Variants in ADCY7 observed in about 807,000 individuals in gnomAD.
The protein encoded by ADCY7 is adenylate cyclase 7.
ADCY7 carries 72 observed loss-of-function variants against 120.6 expected under a neutral mutation model. The observed-to-expected ratio is 0.60, with a 90% CI of 0.49 to 0.73. The LOEUF is 0.73. Among genes scored for constraint, ADCY7 ranks in the 30% least tolerant of loss-of-function variants. The pLI is 0.00. For missense variants in ADCY7, 1,227 were observed against 1,486.0 expected, an observed-to-expected ratio of 0.83 and a Z score of 2.87; for synonymous variants, 661 against 628.0, an observed-to-expected ratio of 1.05 and a Z score of -0.78.
chr16:50,308,234 G>A, intron 15 of ADCY7, 93 bp from the exon 16 acceptor site: 1 of 986,514 alleles, frequency 1.0e-6, no homozygotes, highest in Non-Finnish European at 1.5e-6. Flanking sequence ...CAGGTAGGGT[G>A]GGGACAGGTG....
intron 1 of ADCY7, among the ~76,000 whole-genome samples, chr16:50,268,864 C>A (rs572994560): frequency 6.6e-6 from 1 of 152,240 alleles, no homozygotes; most frequent in Non-Finnish European, 1.5e-5. Flanking sequence ...TGGCGAAACC[C>A]CGTCTCTACA....
Position 50,315,535 on chromosome 16 carries a change from G to C in ADCY7, c.*30G>C. On this transcript the variant is annotated 3_prime_UTR_variant, in exon 26 of 26. Transcript: ENST00000673801. ...TCCTGCTGGATTCCGAAAAGGCCGG[G>C]AAGCCAGTCTCCTTCCCTGAAGCAA... The C allele has an allele frequency of 6.3e-7, 1 of 1,594,924 alleles. No individual in the cohort carries two copies. The highest frequency in any genetic ancestry group is 2.3e-5 in the East Asian group (1 of 44,276).
chr16:50,292,813 G>C lies in ADCY7; in HGVS notation c.675G>C (p.Glu225Asp). 1 of 1,613,482 alleles carries C rather than the reference G, an allele frequency of 6.2e-7. No individual in the cohort carries two copies. The highest frequency in any genetic ancestry group is 1.3e-5 in the African/African-American group (1 of 75,042). Residue 225 changes from glutamate (E) to aspartate (D), a missense_variant, in exon 5 of 26, where the codon GAG (glutamate) becomes GAC (aspartate). Physicochemically the swap from Glu to Asp is conservative, Grantham distance 45 (BLOSUM62 2). Transcript: ENST00000673801. ...CIQIRRKLRI[E>D]KRQQENLLLS... is the part of the protein sequence containing the mutation. ...AGATCCGCCGGAAGCTGCGCATCGA[G>C]AAGCGCCAGCAGGTGGGACCCGGCC...
At chr16:50,305,992 G>C in intron 14 of ADCY7, 143 bp downstream of exon 14, 1 of 778,410 alleles carries the variant, frequency 1.3e-6, no homozygotes, top group Non-Finnish European at 2.1e-6. Flanking sequence ...GCTCCTGGGC[G>C]GGGGGCAGGG....
chr16:50,291,690 T>C, intron 3 of ADCY7, 46 bp from the exon 4 acceptor site: 1 of 1,611,910 alleles, frequency 6.2e-7, no homozygotes, highest in Non-Finnish European at 8.5e-7. Flanking sequence ...CTGTACGGCC[T>C]GGGGCAGCAT....
chr16:50,270,626 G>T (rs2033505994), intron 1 of ADCY7, among the ~76,000 whole-genome samples: 1 of 152,190 alleles, frequency 6.6e-6, no homozygotes, highest in Non-Finnish European at 1.5e-5. Context: ...TCCTGCCTTG[G>T]GTGGGAGATT....
At chr16:50,311,488 G>A (rs2036455271) in intron 19 of ADCY7, among the ~76,000 whole-genome samples, 1 of 152,126 alleles carries the variant, frequency 6.6e-6, no homozygotes, top group South Asian at 2.1e-4. Context: ...TGAGATCAGA[G>A]GTCTTCCCCA....
chr16:50,299,294 G>A lies in ADCY7; in HGVS notation c.1076+263G>A, dbSNP rs187416716. 2.4e-3 allele frequency among the ~76,000 whole-genome samples: 365 copies of A among 152,366 alleles called. 2 individuals carry two copies. Among genetic ancestry groups the A allele is most frequent in the Admixed American group, 3.7e-3 (57 of 15,312 alleles). ...GAGCTGGGTGATGTGAGGTCAGGGC[G>A]GTGGGCTCCGCTCCCCTCAAGGATG... On this transcript the variant is annotated intron_variant, in intron 8 of 25. Coordinates refer to ENST00000673801, the MANE Select transcript of ADCY7 (RefSeq NM_001114.5).
intron 7 of ADCY7, among the ~76,000 whole-genome samples, chr16:50,296,983 G>A (rs1440307322): frequency 6.6e-6 from 1 of 152,252 alleles, no homozygotes; most frequent in South Asian, 2.1e-4. Context: ...TGGGCCTCAT[G>A]TGAGGCAGGG....
chr16:50,311,978 C>G (rs1439844664), intron 20 of ADCY7, 58 bp from the exon 21 acceptor site: 5 of 1,605,402 alleles, frequency 3.1e-6, no homozygotes, highest in East Asian at 2.2e-5. Context: ...AGGAGATGCA[C>G]AGCAGCACGG....
intron 15 of ADCY7, among the ~76,000 whole-genome samples, 163 bp downstream of exon 15, chr16:50,307,310 A>C (rs776533526): frequency 6.6e-6 from 1 of 152,068 alleles, no homozygotes; most frequent in Admixed American, 6.5e-5. Flanking sequence ...AGTTACCAAC[A>C]CTTCTTTTTA....
rs67137852 is a variant in ADCY7, at chr16:50,295,345, A to ATTTTTTTTTTTTTTT, written c.948+610_948+624dup. 2.1e-4 allele frequency among the ~76,000 whole-genome samples: 17 copies of ATTTTTTTTTTTTTTT among 82,746 alleles called. 2 individuals carry two copies. Among genetic ancestry groups the ATTTTTTTTTTTTTTT allele is most frequent in the Non-Finnish European group, 3.2e-4 (14 of 43,904 alleles). 54.3% of individuals were successfully genotyped at this position (82,746 alleles called of 152,430 possible). Reference sequence around the variant, plus strand: ...AGGCATGCACCACCACGCCTGGCTAATTTTTTTTTTTTTTTTTTTTTTTTT... The same window carrying ATTTTTTTTTTTTTTT: ...AGGCATGCACCACCACGCCTGGCTAATTTTTTTTTTTTTTTTTTTTTTTTTTTTTTTTTTTTTTTT... On this transcript the variant is annotated intron_variant, in intron 7 of 25. Coordinates refer to ENST00000673801, the MANE Select transcript of ADCY7 (RefSeq NM_001114.5).
chr16:50,289,451 G>C (rs1438414529), intron 2 of ADCY7: 13 of 306,150 alleles, frequency 4.2e-5, no homozygotes, highest in Non-Finnish European at 7.8e-5. Context: ...TTTAAAAAGT[G>C]GGTAATGTGA....
At chr16:50,259,916 G>A (rs1194533684) in intron 1 of ADCY7, among the ~76,000 whole-genome samples, 1 of 152,170 alleles carries the variant, frequency 6.6e-6, no homozygotes, top group Non-Finnish European at 1.5e-5. Flanking sequence ...GAAGAGATGT[G>A]GGCAGAGGCC....
At chr16:50,289,761 C>T (rs973490968) in intron 2 of ADCY7, among the ~76,000 whole-genome samples, 2 of 152,266 alleles carry the variant, frequency 1.3e-5, no homozygotes, top group Non-Finnish European at 2.9e-5. Context: ...CCACCATGCC[C>T]AGCCCATTTT....
chr16:50,293,449 C>T lies in ADCY7; in HGVS notation c.783C>T (p.Cys261=), dbSNP rs1014349757. 2 of 1,614,064 alleles carry T rather than the reference C, an allele frequency of 1.2e-6. No individual in the cohort carries two copies. Among genetic ancestry groups the T allele is most frequent in the South Asian group, 1.1e-5 (1 of 91,086 alleles). The change falls in exon 6 of 26, where the codon TGC becomes TGT. Residue 261 remains cysteine, a synonymous_variant. Transcript: ENST00000673801. The stretch of plus-strand genomic sequence containing the variant: ...TCAAGGAGCATGGTGACCGTCGCTG[C>T]ATGCCTGACAACAACTTCCACAGCC... The part of the protein sequence containing the change: ...ERLKEHGDRR[C]MPDNNFHSLY...
intron 1 of ADCY7, among the ~76,000 whole-genome samples, chr16:50,257,482 C>A (rs965193933): frequency 1.3e-5 from 2 of 152,056 alleles, no homozygotes; most frequent in South Asian, 4.1e-4. Flanking sequence ...ACAAACAGTG[C>A]TAAATACTTG....
chr16:50,291,209 T>C (rs2034932595), intron 3 of ADCY7, among the ~76,000 whole-genome samples: 1 of 151,954 alleles, frequency 6.6e-6, no homozygotes, highest in African/African-American at 2.4e-5. Context: ...TGGGCCTGGG[T>C]CCTATGACAG....
chr16:50,273,575 G>A (rs2033700147), intron 1 of ADCY7, among the ~76,000 whole-genome samples: 1 of 152,208 alleles, frequency 6.6e-6, no homozygotes, highest in Non-Finnish European at 1.5e-5. Flanking sequence ...GTGGCAGGAT[G>A]GGCCCCTTTC....
Sources: gnomAD v4.1 joint callset for allele counts (sites outside exome capture counted in the v4.1 genomes callset) on GRCh38, gnomAD v4.1.1 for gene constraint, MANE v1.5 for transcripts, NCBI Gene and HGNC (gene_info 2026-07-23, HGNC 2026-07-21) for gene names.